The following IFT122 variants were observed in gnomAD, a reference collection of about 807,000 sequenced individuals.
IFT122 encodes intraflagellar transport 122, also known as intraflagellar transport protein 122 homolog.
Under a neutral mutation model 161.6 loss-of-function variants are expected in IFT122, and 118 were observed. The ratio of observed to expected loss-of-function variants is 0.73; its 90% CI spans 0.63 to 0.85. IFT122 has a LOEUF of 0.85. IFT122 is among the 40% of genes least tolerant of loss of function. The probability of loss-of-function intolerance (pLI) is 0.00; values close to 1 mark genes in which losing one functional copy is unlikely to be tolerated. For missense variants in IFT122, 1,381 were observed against 1,579.6 expected, an observed-to-expected ratio of 0.87 and a Z score of 2.13; for synonymous variants, 550 against 602.4, an observed-to-expected ratio of 0.91 and a Z score of 1.27.
chr3:129,491,879 C>T (rs995004339), intron 16 of IFT122, among the ~76,000 whole-genome samples: 2 of 152,182 alleles, frequency 1.3e-5, no homozygotes, highest in South Asian at 2.1e-4. Flanking sequence ...TGTGGCATCA[C>T]GGTTTTGTTT....
Position 129,519,702 on chromosome 3 carries a change from C to CTCCA in IFT122, c.3608_3611dup (p.Thr1205HisfsTer14). On this transcript the variant is annotated frameshift_variant, in exon 29 of 30. Transcript: ENST00000348417. LOFTEE classifies it high-confidence loss of function. ...ACTTCCGCTCACTGCTGCCTGACGC[C>CTCCA]TCCATTACCATGTGCCCCTCCTGCT... is the stretch of plus-strand genomic sequence containing the variant. The CTCCA allele has an allele frequency of 6.2e-7, 1 of 1,613,804 alleles. No individual in the cohort carries two copies. Among genetic ancestry groups the CTCCA allele is most frequent in the East Asian group, 2.2e-5 (1 of 44,870 alleles).
chr3:129,480,480 G>A (rs1451355441), intron 13 of IFT122, among the ~76,000 whole-genome samples: 1 of 152,188 alleles, frequency 6.6e-6, no homozygotes, highest in Admixed American at 6.5e-5. Flanking sequence ...GTTCTAAGTA[G>A]GCTGCTACAT....
intron 17 of IFT122, among the ~76,000 whole-genome samples, chr3:129,494,626 C>T (rs2080605362): frequency 6.6e-6 from 1 of 152,116 alleles, no homozygotes; most frequent in Admixed American, 6.6e-5. Context: ...AATACTCGAG[C>T]TGTAGACAAG....
rs1359652833 is a variant in IFT122 at position 129,504,274 on chromosome 3, C to T, written c.2548-45C>T. 3 of 1,470,550 alleles carry T rather than the reference C, an allele frequency of 2.0e-6. No homozygotes were observed. The African/African-American group carries it at 4.2e-5, about 20-fold the overall frequency. 91.1% of individuals were successfully genotyped at this position (1,470,550 alleles called of 1,614,324 possible). Reference sequence around the variant, plus strand: ...GCCAAGTACAGTGTTTTCATGGGGGCTGCAGGGGCAGCTTTATTAAGACTT... The same window carrying T: ...GCCAAGTACAGTGTTTTCATGGGGGTTGCAGGGGCAGCTTTATTAAGACTT... On this transcript the variant is annotated intron_variant, in intron 20 of 29. Coordinates refer to ENST00000348417, the MANE Select transcript of IFT122 (RefSeq NM_052989.3).
chr3:129,512,860 G>A lies in IFT122; in HGVS notation c.2987+448G>A, dbSNP rs138542931. The A allele has an allele frequency of 9.5e-4, 237 of 248,246 alleles. 3 individuals carry two copies. The East Asian group carries it at 0.023, about 24-fold the overall frequency. 15.4% of individuals were successfully genotyped at this position (248,246 alleles called of 1,614,324 possible). A position where few individuals can be genotyped will look rare whatever the true frequency, so the allele number is the denominator to read the frequency against. ...GGTGGCAAAGCTGCCATCAAAGAGGGAGGTCACAAGTTAGGGTCTGGTTTG... is the reference window on the plus strand; with the variant it reads ...GGTGGCAAAGCTGCCATCAAAGAGGAAGGTCACAAGTTAGGGTCTGGTTTG... On this transcript the variant is annotated intron_variant, in intron 24 of 29. Coordinates refer to ENST00000348417, the MANE Select transcript of IFT122 (RefSeq NM_052989.3).
chr3:129,491,864 C>T (rs2080144903), intron 16 of IFT122, among the ~76,000 whole-genome samples: 1 of 152,216 alleles, frequency 6.6e-6, no homozygotes, highest in Non-Finnish European at 1.5e-5. Context: ...GGCACCGCCA[C>T]AGACTGTGGC....
chr3:129,467,174 G>A lies in IFT122; in HGVS notation c.740+108G>A. ...TTGGCCAAGGGAGTGCAGGGACTAG[G>A]GGGAACTGTGGGTGAAAGCGCCTTC... On this transcript the variant is annotated intron_variant, in intron 8 of 29. Transcript: ENST00000348417. 4 of 1,007,188 alleles carry A rather than the reference G, an allele frequency of 4.0e-6. No individual in the cohort carries two copies. The South Asian group carries it at 4.2e-5, about 11-fold the overall frequency. The allele number at this position is 1,007,188 out of a possible 1,614,324, so 62.4% of individuals were successfully genotyped here. A position where few individuals can be genotyped will look rare whatever the true frequency, so the allele number is the denominator to read the frequency against.
intron 24 of IFT122, 129 bp downstream of exon 24, chr3:129,512,541 C>T: frequency 1.3e-6 from 1 of 771,580 alleles, no homozygotes; most frequent in Non-Finnish European, 2.3e-6. Context: ...ACAGAGAACT[C>T]ACCCTCCCGC....
rs373718093 is a variant in IFT122, at chr3:129,485,856, C to G, written c.1851+2174C>G. Among the ~76,000 whole-genome samples, 9 of 152,378 alleles carry G rather than the reference C, an allele frequency of 5.9e-5. No individual in the cohort carries two copies. The East Asian group carries it at 1.5e-3, about 26-fold the overall frequency. ...TGCCAAGGGTTAGGAAACACATTCT[C>G]AAGACAAAGGCTGTTCATCTGTCGC... On this transcript the variant is annotated intron_variant, in intron 15 of 29. Transcript: ENST00000348417.
At position 129,507,688 on chromosome 3, in the gene IFT122, A is replaced by G. The variant is rs373735641; in HGVS notation, c.2812A>G (p.Met938Val). ...IAQDPAQKDT[M>V]LGKFYHFQRL... is the part of the protein sequence containing the mutation. ...AGCAGATCCTGCCCAGAAGGACACA[A>G]TGCTTGGCAAGTTCTACCACTTCCA... The change falls in exon 23 of 30, where the codon ATG becomes GTG. Residue 938 changes from methionine to valine, a missense_variant. Met to Val is a conservative substitution (Grantham distance 21). Transcript: ENST00000348417. The G allele has an allele frequency of 1.1e-4, 181 of 1,614,028 alleles. No individual in the cohort carries two copies. Among genetic ancestry groups the G allele is most frequent in the Non-Finnish European group, 1.5e-4 (174 of 1,180,012 alleles).
rs1577779276 is a variant in IFT122, at chr3:129,488,514, C to T, written c.1992+117C>T. ...GACTGCAGCAGTCTCTGGAGTTAGG[C>T]TGACCTGGGCTTGTATCTTAGCCAC... On this transcript the variant is annotated intron_variant, in intron 16 of 29. Coordinates refer to ENST00000348417, the MANE Select transcript of IFT122 (RefSeq NM_052989.3). 3.0e-6 allele frequency: 4 copies of T among 1,321,860 alleles called. No homozygotes were observed. In the East Asian group the frequency reaches 9.7e-5, roughly 32 times the overall value. 81.9% of individuals were successfully genotyped at this position (1,321,860 alleles called of 1,614,324 possible).
chr3:129,452,771 C>G (rs754242854), intron 3 of IFT122, among the ~76,000 whole-genome samples: 11 of 152,152 alleles, frequency 7.2e-5, no homozygotes, highest in Non-Finnish European at 2.9e-5. Context: ...AAGGATCCCT[C>G]TAGTTGCTGA....
chr3:129,512,564 A>C, intron 24 of IFT122, 152 bp downstream of exon 24: 1 of 713,462 alleles, frequency 1.4e-6, no homozygotes, highest in Non-Finnish European at 2.5e-6. Context: ...CTGTTTGGCT[A>C]TAGAGGCTCA....
intron 18 of IFT122, among the ~76,000 whole-genome samples, chr3:129,496,474 C>T (rs184104643): frequency 2.6e-5 from 4 of 152,340 alleles, no homozygotes; most frequent in East Asian, 3.9e-4. Context: ...TGAAGTGACT[C>T]ATCAGCCATA....
chr3:129,465,899 C>T (rs1471185911), intron 7 of IFT122, among the ~76,000 whole-genome samples: 1 of 93,558 alleles, frequency 1.1e-5, no homozygotes, highest in Non-Finnish European at 1.8e-5. Flanking sequence ...GCCTCGGCCT[C>T]CCAAAGTGCT....
At chr3:129,517,706 C>T in intron 27 of IFT122, 112 bp downstream of exon 27, 1 of 1,378,958 alleles carries the variant, frequency 7.3e-7, no homozygotes, top group Non-Finnish European at 1.0e-6. Context: ...CTGAGCCTGG[C>T]CCTGTGTTCC....
At chr3:129,492,720 C>T (rs561965141) in intron 17 of IFT122, among the ~76,000 whole-genome samples, 1 of 152,110 alleles carries the variant, frequency 6.6e-6, no homozygotes, top group African/African-American at 2.4e-5. Context: ...GAATATTGAC[C>T]TTGTCATCCA....
chr3:129,520,032 C>T, intron 29 of IFT122, 144 bp from the exon 30 acceptor site: 2 of 743,576 alleles, frequency 2.7e-6, no homozygotes, highest in South Asian at 3.0e-5. Flanking sequence ...CCCTTCCAGC[C>T]CTCAAACAAA....
intron 6 of IFT122, among the ~76,000 whole-genome samples, chr3:129,464,297 T>A (rs981763154): frequency 6.6e-6 from 1 of 152,158 alleles, no homozygotes; most frequent in African/African-American, 2.4e-5. Context: ...AGGTGCTCTT[T>A]AAGTGGGAGG....
Sources: allele counts gnomAD v4.1 joint callset (sites outside exome capture counted in the v4.1 genomes callset), GRCh38; gene constraint gnomAD v4.1.1; transcripts MANE v1.5; gene names NCBI Gene and HGNC (gene_info 2026-07-23, HGNC 2026-07-21).